ANTXR1: variants seen among roughly 807,000 people sequenced by gnomAD.
ANTXR1 encodes the protein ANTXR cell adhesion molecule 1.
Under a neutral mutation model 78.1 loss-of-function variants are expected in ANTXR1, and 19 were observed. The observed-to-expected ratio is 0.24, with a 90% CI of 0.17 to 0.36. ANTXR1 has a LOEUF of 0.36. Ranked by LOEUF, ANTXR1 falls within the 10% of genes least tolerant of loss-of-function variation. The pLI is 1.00. For missense variants in ANTXR1, 518 were observed against 718.6 expected (o/e 0.72, Z 3.19); for synonymous variants, 273 against 260.5 (o/e 1.05, Z -0.46).
intron 12 of ANTXR1, among the ~76,000 whole-genome samples, chr2:69,128,548 G>A (rs1220518406): frequency 6.6e-6 from 1 of 152,104 alleles, no homozygotes; most frequent in African/African-American, 2.4e-5. Flanking sequence ...CCAAGCCCAG[G>A]TGATTGAAAG....
intron 14 of ANTXR1, among the ~76,000 whole-genome samples, chr2:69,170,798 A>AG (rs1673962462): frequency 6.6e-6 from 1 of 152,210 alleles, no homozygotes; most frequent in African/African-American, 2.4e-5. Flanking sequence ...TACGCTGGAG[A>AG]GGGATATGTT....
At chr2:69,109,813 C>T (rs915923371) in intron 10 of ANTXR1, among the ~76,000 whole-genome samples, 1 of 151,940 alleles carries the variant, frequency 6.6e-6, no homozygotes, top group Admixed American at 6.6e-5. Context: ...AAGGAGCATA[C>T]CATGAAAGAA....
chr2:69,089,160 T>C (rs908750455), intron 8 of ANTXR1, among the ~76,000 whole-genome samples: 1 of 152,222 alleles, frequency 6.6e-6, no homozygotes, highest in African/African-American at 2.4e-5. Context: ...CATGAAGTTC[T>C]ACAGAGTGAA....
intron 5 of ANTXR1, among the ~76,000 whole-genome samples, chr2:69,072,337 C>G (rs979061441): frequency 2.6e-5 from 4 of 152,136 alleles, no homozygotes; most frequent in African/African-American, 7.2e-5. Flanking sequence ...TTCTGTATCT[C>G]AGTCAAATCT....
intron 1 of ANTXR1, among the ~76,000 whole-genome samples, chr2:69,014,167 G>A (rs936480443): frequency 3.3e-5 from 5 of 152,098 alleles, no homozygotes; most frequent in African/African-American, 9.7e-5. Context: ...ACTTCTCACC[G>A]GGCACTGAGT....
chr2:69,179,220 G>T (rs1208873237), intron 14 of ANTXR1, among the ~76,000 whole-genome samples: 2 of 152,058 alleles, frequency 1.3e-5, no homozygotes, highest in East Asian at 3.8e-4. Flanking sequence ...TTGTGTTGGG[G>T]ACTTTATTTT....
At chr2:69,201,092 G>T (rs1258308294) in intron 17 of ANTXR1, among the ~76,000 whole-genome samples, 1 of 152,122 alleles carries the variant, frequency 6.6e-6, no homozygotes, top group South Asian at 2.1e-4. Flanking sequence ...AATGAGCCCT[G>T]TCCCTGCCCT....
chr2:69,068,574 G>A (rs575304303), intron 3 of ANTXR1, among the ~76,000 whole-genome samples: 1 of 152,288 alleles, frequency 6.6e-6, no homozygotes, highest in South Asian at 2.1e-4. Flanking sequence ...GAGAGTGGGG[G>A]CAGAATGATG....
intron 14 of ANTXR1, chr2:69,172,531 A>G: frequency 5.7e-6 from 8 of 1,413,976 alleles, no homozygotes; most frequent in Non-Finnish European, 7.3e-6. Flanking sequence ...AGTGTCTAAC[A>G]TTCAATAAAT....
intron 13 of ANTXR1, among the ~76,000 whole-genome samples, chr2:69,155,736 C>G (rs1673502649): frequency 6.6e-6 from 1 of 152,204 alleles, no homozygotes; most frequent in Non-Finnish European, 1.5e-5. Context: ...CCCTGAGAGT[C>G]TCCCCTCACC....
chr2:69,120,841 G>T (rs999059349), intron 10 of ANTXR1, among the ~76,000 whole-genome samples: 3 of 152,098 alleles, frequency 2.0e-5, no homozygotes, highest in African/African-American at 7.2e-5. Flanking sequence ...TCCCTGTTGC[G>T]CTTAGAAAAA....
chr2:69,081,040 A>G (rs1030891610), intron 8 of ANTXR1, among the ~76,000 whole-genome samples: 4 of 152,200 alleles, frequency 2.6e-5, no homozygotes, highest in Non-Finnish European at 5.9e-5. Flanking sequence ...AATCAATAGC[A>G]TTTCGGCCTT....
intron 10 of ANTXR1, among the ~76,000 whole-genome samples, chr2:69,120,677 A>T (rs1244892708): frequency 6.6e-6 from 1 of 151,548 alleles, no homozygotes; most frequent in Non-Finnish European, 1.5e-5. Context: ...AAAAAAAGAT[A>T]ATAATAATAA....
At chr2:69,210,687 G>A (rs970137199) in intron 17 of ANTXR1, among the ~76,000 whole-genome samples, 4 of 152,186 alleles carry the variant, frequency 2.6e-5, no homozygotes, top group African/African-American at 9.7e-5. Context: ...TGTAATCCCA[G>A]CACTTTCAGA....
intron 17 of ANTXR1, among the ~76,000 whole-genome samples, chr2:69,200,037 G>A (rs1674737613): frequency 6.6e-6 from 1 of 152,128 alleles, no homozygotes; most frequent in African/African-American, 2.4e-5. Context: ...TTTTCTGGAT[G>A]GAATTCAATC....
At chr2:69,235,219 C>T (rs971529836) in intron 17 of ANTXR1, among the ~76,000 whole-genome samples, 61 of 151,950 alleles carry the variant, frequency 4.0e-4, no homozygotes, top group Non-Finnish European at 8.7e-4. Flanking sequence ...GACAGGGTTT[C>T]TCCATGTTGG....
intron 10 of ANTXR1, among the ~76,000 whole-genome samples, chr2:69,121,568 A>G (rs548487402): frequency 5.3e-5 from 8 of 152,326 alleles, no homozygotes; most frequent in African/African-American, 1.9e-4. Context: ...TCACTCAGGC[A>G]AGAGTTTAAT....
Position 69,096,320 on chromosome 2 carries a change from G to C in ANTXR1, c.703+5401G>C. Among the ~76,000 whole-genome samples the C allele has an allele frequency of 1.3e-3, 9 of 7,038 alleles. 4 individuals are homozygous for C. The highest frequency in any genetic ancestry group is 0.012 in the African/African-American group (7 of 578). The allele number at this position is 7,038 out of a possible 152,430, so 4.6% of individuals were successfully genotyped here. On this transcript the variant is annotated intron_variant, in intron 9 of 17. Coordinates refer to ENST00000303714, the MANE Select transcript of ANTXR1 (RefSeq NM_032208.3). ...AGGGAGGAAGGGAGGAAGGGAGGAAGGGAGGAAGGGAGGAAGGGAGGAAGG... is the reference window on the plus strand; with the variant it reads ...AGGGAGGAAGGGAGGAAGGGAGGAACGGAGGAAGGGAGGAAGGGAGGAAGG...
chr2:69,057,299 T>C (rs1264496770), intron 3 of ANTXR1, among the ~76,000 whole-genome samples: 2 of 152,216 alleles, frequency 1.3e-5, no homozygotes, highest in Non-Finnish European at 2.9e-5. Context: ...CTTTGCTTTA[T>C]TGCACTTTGC....
Sources: allele counts gnomAD v4.1 joint callset (sites outside exome capture counted in the v4.1 genomes callset), GRCh38; gene constraint gnomAD v4.1.1; transcripts MANE v1.5; gene names NCBI Gene and HGNC (gene_info 2026-07-23, HGNC 2026-07-21).